KIF16B: variants seen among roughly 807,000 people sequenced by gnomAD.
The protein encoded by KIF16B is kinesin family member 16B.
A neutral mutation model predicts 156.3 loss-of-function variants in KIF16B; 98 were observed. The observed-to-expected ratio is 0.63, with a 90% confidence interval of 0.53 to 0.74. The LOEUF (loss-of-function observed/expected upper bound fraction) is 0.74, where lower values mean the gene tolerates loss of function less well. KIF16B is among the 30% of genes least tolerant of loss of function. The probability of loss-of-function intolerance (pLI) is 0.00; values close to 1 mark genes in which losing one functional copy is unlikely to be tolerated. For synonymous variants in KIF16B, 564 were observed against 583.7 expected, an observed-to-expected ratio of 0.97 and a Z score of 0.49; for missense variants, 1,421 against 1,606.5, an observed-to-expected ratio of 0.88 and a Z score of 1.97.
At chr20:16,327,398 T>C (rs2063874307) in intron 24 of KIF16B, among the ~76,000 whole-genome samples, 1 of 151,918 alleles carries the variant, frequency 6.6e-6, no homozygotes, top group Non-Finnish European at 1.5e-5. Context: ...TAACCACTAA[T>C]GAACTTATCC....
chr20:16,445,233 T>C (rs1467149095), intron 12 of KIF16B, among the ~76,000 whole-genome samples: 2 of 151,948 alleles, frequency 1.3e-5, no homozygotes, highest in Non-Finnish European at 2.9e-5. Context: ...AAAGAATACA[T>C]GAGCACATAT....
chr20:16,344,610 A>G (rs567173351), intron 23 of KIF16B, among the ~76,000 whole-genome samples: 5 of 152,042 alleles, frequency 3.3e-5, no homozygotes, highest in Non-Finnish European at 5.9e-5. Flanking sequence ...CAGTCCCCCA[A>G]ACTGAGTGCC....
chr20:16,338,142 C>A (rs968148140), intron 23 of KIF16B, among the ~76,000 whole-genome samples: 2 of 152,138 alleles, frequency 1.3e-5, no homozygotes, highest in African/African-American at 4.8e-5. Context: ...CTGGAACATC[C>A]CTTTCATCTT....
chr20:16,538,516 G>T (rs1245048532), intron 1 of KIF16B, among the ~76,000 whole-genome samples: 2 of 152,034 alleles, frequency 1.3e-5, no homozygotes, highest in Non-Finnish European at 2.9e-5. Flanking sequence ...TAATTTATTT[G>T]AAAGGTCTGG....
intron 24 of KIF16B, among the ~76,000 whole-genome samples, chr20:16,331,858 A>T (rs2063953756): frequency 6.6e-6 from 1 of 152,148 alleles, no homozygotes; most frequent in African/African-American, 2.4e-5. Flanking sequence ...ATTTACAGAG[A>T]TGGTAATAAT....
intron 3 of KIF16B, among the ~76,000 whole-genome samples, chr20:16,521,593 T>G (rs892283084): frequency 6.6e-6 from 1 of 152,090 alleles, no homozygotes; most frequent in African/African-American, 2.4e-5. Flanking sequence ...TGGAAAACAC[T>G]CTTCAGGCTA....
rs1367426828 is a variant in KIF16B at position 16,505,731 on chromosome 20, T to G, written c.991A>C (p.Met331Leu). Reference sequence around the variant, plus strand: ...AACTTAAAACTCTTACTGGCAATCATGATAGTTTTAGAGTTTCCTCCAAGG... The same window carrying G: ...AACTTAAAACTCTTACTGGCAATCAGGATAGTTTTAGAGTTTCCTCCAAGG... ...DSLGGNSKTI[M>L]IATISPADVN... is the part of the protein sequence containing the mutation. The change falls in exon 9 of 26, where the codon ATG (methionine) becomes CTG (leucine). Residue 331 changes from methionine to leucine, a missense_variant. By Grantham distance (15) the Met-to-Leu change is conservative. Coordinates refer to ENST00000354981, the MANE Select transcript of KIF16B (RefSeq NM_024704.5). The G allele has an allele frequency of 1.2e-6, 2 of 1,612,928 alleles. No homozygotes were observed. Among genetic ancestry groups the G allele is most frequent in the Non-Finnish European group, 1.7e-6 (2 of 1,179,384 alleles).
chr20:16,515,802 T>G, intron 3 of KIF16B, 138 bp from the exon 4 acceptor site: 1 of 551,590 alleles, frequency 1.8e-6, no homozygotes, highest in South Asian at 2.6e-5. Flanking sequence ...TGCAGAACCA[T>G]TCACAACAAC....
intron 3 of KIF16B, among the ~76,000 whole-genome samples, chr20:16,519,667 G>A (rs1600608054): frequency 6.6e-6 from 1 of 152,236 alleles, no homozygotes; most frequent in Admixed American, 6.5e-5. Flanking sequence ...CGGTACTGAT[G>A]ATTCTGGTGC....
At chr20:16,548,248 G>A (rs35726665) in intron 1 of KIF16B, among the ~76,000 whole-genome samples, 5,567 of 152,188 alleles carry the variant, frequency 0.037, 141 homozygotes, top group Middle Eastern at 0.065. Flanking sequence ...GCTCTACCAC[G>A]TCAGAGGGAG....
intron 12 of KIF16B, among the ~76,000 whole-genome samples, chr20:16,459,066 T>A (rs891174782): frequency 2.3e-5 from 3 of 130,068 alleles, no homozygotes; most frequent in African/African-American, 3.3e-5. Context: ...CTTTAATGCT[T>A]ATGTTATAAT....
At chr20:16,499,172 C>T (rs895015096) in intron 10 of KIF16B, among the ~76,000 whole-genome samples, 12 of 152,186 alleles carry the variant, frequency 7.9e-5, no homozygotes, top group Non-Finnish European at 1.3e-4. Flanking sequence ...TAGAAGCCCA[C>T]ACCCACAGAA....
intron 22 of KIF16B, among the ~76,000 whole-genome samples, chr20:16,363,795 C>T (rs1238565741): frequency 6.6e-6 from 1 of 152,208 alleles, no homozygotes; most frequent in African/African-American, 2.4e-5. Flanking sequence ...ACTTGCAAAG[C>T]AGCAGAATAA....
At chr20:16,432,125 G>A (rs2066519327) in intron 12 of KIF16B, among the ~76,000 whole-genome samples, 1 of 151,950 alleles carries the variant, frequency 6.6e-6, no homozygotes, top group South Asian at 2.1e-4. Context: ...TTGACATCAG[G>A]CCCATCTGAC....
chr20:16,433,998 A>T (rs1454166807), intron 12 of KIF16B, among the ~76,000 whole-genome samples: 1 of 152,164 alleles, frequency 6.6e-6, no homozygotes, highest in East Asian at 1.9e-4. Flanking sequence ...AATCAATGTA[A>T]AATATGTATA....
chr20:16,551,138 T>C (rs1406514223), intron 1 of KIF16B, among the ~76,000 whole-genome samples: 3 of 151,062 alleles, frequency 2.0e-5, no homozygotes, highest in Non-Finnish European at 4.4e-5. Flanking sequence ...TCTTCTTTTT[T>C]TTTTTTTTTT....
intron 22 of KIF16B, among the ~76,000 whole-genome samples, chr20:16,359,270 T>C (rs6131815): frequency 0.22 from 32,715 of 152,066 alleles, 4,103 homozygotes; most frequent in East Asian, 0.62. Flanking sequence ...GGATCCCTTA[T>C]GGCTTGGTGC....
rs753108908 is a variant in KIF16B, at chr20:16,273,367, T to C, written c.3840A>G (p.Thr1280=). Reference sequence around the variant, plus strand: ...CCACTTTGTTGATGTGGAGGGGAGATGTTGCGGACTGGAGCATCACGCTGA... The same window carrying C: ...CCACTTTGTTGATGTGGAGGGGAGACGTTGCGGACTGGAGCATCACGCTGA... ...DFFSVMLQSA[T]SPLHINKVGL... The change falls in exon 26 of 26, where the codon ACA becomes ACG. Residue 1280 remains threonine (T), a synonymous_variant. Coordinates refer to ENST00000354981, the MANE Select transcript of KIF16B (RefSeq NM_024704.5). 13 of 1,613,964 alleles carry C rather than the reference T, an allele frequency of 8.1e-6. No individual in the cohort carries two copies. The highest frequency in any genetic ancestry group is 1.1e-5 in the Non-Finnish European group (13 of 1,179,898).
intron 12 of KIF16B, among the ~76,000 whole-genome samples, chr20:16,434,363 G>C (rs2066586263): frequency 6.6e-6 from 1 of 152,190 alleles, no homozygotes; most frequent in Admixed American, 6.5e-5. Context: ...CCACCGTAAT[G>C]GTTTATGAGA....
Sources: gnomAD v4.1 joint callset for allele counts (sites outside exome capture counted in the v4.1 genomes callset) on GRCh38, gnomAD v4.1.1 for gene constraint, MANE v1.5 for transcripts, NCBI Gene and HGNC (gene_info 2026-07-23, HGNC 2026-07-21) for gene names.